The following SMCHD1 variants were observed in gnomAD, a reference collection of about 807,000 sequenced individuals.
SMCHD1 encodes the protein structural maintenance of chromosomes flexible hinge domain-containing protein 1.
Under a neutral mutation model 254.7 loss-of-function variants are expected in SMCHD1, and 78 were observed. That is an observed-to-expected ratio of 0.31 (90% CI 0.26 to 0.37). The LOEUF is 0.37. SMCHD1 is among the 10% of genes least tolerant of loss of function. SMCHD1 has a pLI of 1.00. For synonymous variants in SMCHD1, 766 were observed against 794.9 expected (o/e 0.96, Z 0.61); for missense variants, 1,840 against 2,408.1 (o/e 0.76, Z 4.94).
chr18:2,761,917 AACCTG>A (rs2075792616), intron 35 of SMCHD1, among the ~76,000 whole-genome samples, 183 bp from the exon 36 acceptor site: 1 of 152,268 alleles, frequency 6.6e-6, no homozygotes. Flanking sequence ...TCCAAAAATT[AACCTG>A]ACCTAACTTT....
Position 2,706,352 on chromosome 18 carries a change from G to A in SMCHD1, c.1957-12G>A, listed in dbSNP as rs1269683640. The A allele has an allele frequency of 2.0e-6, 3 of 1,516,590 alleles. No individual in the cohort carries two copies. Among genetic ancestry groups the A allele is most frequent in the African/African-American group, 1.4e-5 (1 of 72,278 alleles). The allele number at this position is 1,516,590 out of a possible 1,614,324, so 93.9% of individuals were successfully genotyped here. ...AGTTTTCTTTGAAATGTTGGTAAATGTATTTATTCAGGAACCTCAGGCACT... is the reference window on the plus strand; with the variant it reads ...AGTTTTCTTTGAAATGTTGGTAAATATATTTATTCAGGAACCTCAGGCACT... On this transcript the variant is annotated splice_polypyrimidine_tract_variant and intron_variant, in intron 14 of 47. Transcript: ENST00000320876.
At chr18:2,699,450 A>G (rs1287128444) in intron 10 of SMCHD1, among the ~76,000 whole-genome samples, 3 of 152,008 alleles carry the variant, frequency 2.0e-5, no homozygotes, top group Non-Finnish European at 4.4e-5. Context: ...AGCAATTCTC[A>G]TGGATCAGCC....
intron 1 of SMCHD1, among the ~76,000 whole-genome samples, chr18:2,657,603 C>T (rs1401446001): frequency 6.6e-6 from 1 of 152,184 alleles, no homozygotes; most frequent in Non-Finnish European, 1.5e-5. Context: ...CTACTCTTAG[C>T]ACCTGAGGTT....
At chr18:2,660,751 T>C (rs909655936) in intron 1 of SMCHD1, among the ~76,000 whole-genome samples, 49 of 152,152 alleles carry the variant, frequency 3.2e-4, no homozygotes, top group African/African-American at 1.2e-3. Flanking sequence ...GTGCTGGGAT[T>C]ACAGGCATGC....
At chr18:2,688,908 G>A (rs1310829749) in intron 7 of SMCHD1, among the ~76,000 whole-genome samples, 161 bp downstream of exon 7, 2 of 152,150 alleles carry the variant, frequency 1.3e-5, no homozygotes, top group South Asian at 2.1e-4. Context: ...CAGACAAGTT[G>A]TCTCATAAAG....
chr18:2,748,917 C>T (rs1258815851), intron 30 of SMCHD1, among the ~76,000 whole-genome samples: 1 of 152,140 alleles, frequency 6.6e-6, no homozygotes, highest in Non-Finnish European at 1.5e-5. Flanking sequence ...ATCAGAATCC[C>T]AACAGGGATT....
At chr18:2,743,730 C>T in intron 28 of SMCHD1, 31 bp from the exon 29 acceptor site, 1 of 1,540,342 alleles carries the variant, frequency 6.5e-7, no homozygotes, top group Non-Finnish European at 8.8e-7. Context: ...GTGATACCCC[C>T]TGTCTTTCTC....
intron 1 of SMCHD1, among the ~76,000 whole-genome samples, chr18:2,664,729 C>T (rs917640493): frequency 4.6e-5 from 7 of 152,156 alleles, no homozygotes; most frequent in African/African-American, 1.4e-4. Context: ...TTGGGATTCA[C>T]GTGATTTCAG....
chr18:2,738,304 C>T (rs916776641), intron 25 of SMCHD1, 93 bp from the exon 26 acceptor site: 8 of 1,165,792 alleles, frequency 6.9e-6, no homozygotes, highest in Non-Finnish European at 8.1e-6. Context: ...GTGAAGAAGA[C>T]GGATTATAAT....
In SMCHD1 at chr18:2,658,618, A is replaced by T. The variant is rs548085885; in HGVS notation, c.186+2357A>T. Among the ~76,000 whole-genome samples, 55 of 152,292 alleles carry T rather than the reference A, an allele frequency of 3.6e-4. 1 individual carries two copies. The highest frequency in any genetic ancestry group is 1.3e-3 in the African/African-American group (54 of 41,570). ...ACTAGTAAGAAAAAAGAAGGCTGAGAAGGCTAACTTTTTTGTTGTTAGACT... is the reference window on the plus strand; with the variant it reads ...ACTAGTAAGAAAAAAGAAGGCTGAGTAGGCTAACTTTTTTGTTGTTAGACT... On this transcript the variant is annotated intron_variant, in intron 1 of 47. Transcript: ENST00000320876.
At chr18:2,728,406 C>CT in intron 22 of SMCHD1, 51 bp from the exon 23 acceptor site, 5 of 1,554,670 alleles carry the variant, frequency 3.2e-6, no homozygotes, top group Non-Finnish European at 4.4e-6. Context: ...TATTTCAGTA[C>CT]TTTAGTCTTT....
intron 17 of SMCHD1, among the ~76,000 whole-genome samples, chr18:2,712,361 ATTTATTTCTTAATCCTCT>A (rs899560547): frequency 4.6e-5 from 7 of 151,682 alleles, no homozygotes; most frequent in African/African-American, 1.7e-4. Context: ...TGGTGTTTCC[ATTTATTTCTTAATCCTCT>A]GTAACCAATC....
chr18:2,698,839 T>A (rs1335576209), intron 10 of SMCHD1, among the ~76,000 whole-genome samples: 2 of 102,706 alleles, frequency 1.9e-5, no homozygotes, highest in Non-Finnish European at 4.5e-5. Context: ...TTCTTTACTA[T>A]AAAGTACTAT....
At chr18:2,662,187 A>G (rs1415454208) in intron 1 of SMCHD1, among the ~76,000 whole-genome samples, 1 of 109,860 alleles carries the variant, frequency 9.1e-6, no homozygotes, top group Non-Finnish European at 1.9e-5. Context: ...AATAAAATAA[A>G]TAAATAAATA....
intron 1 of SMCHD1, among the ~76,000 whole-genome samples, chr18:2,665,070 C>T (rs2073397380): frequency 6.6e-6 from 1 of 152,040 alleles, no homozygotes; most frequent in South Asian, 2.1e-4. Flanking sequence ...CCATTACTAC[C>T]CGAAACAGAA....
At chr18:2,793,087 G>T (rs1347455133) in intron 45 of SMCHD1, among the ~76,000 whole-genome samples, 1 of 152,200 alleles carries the variant, frequency 6.6e-6, no homozygotes, top group Non-Finnish European at 1.5e-5. Context: ...ATTATGTGGA[G>T]CACAAAGTTT....
intron 1 of SMCHD1, among the ~76,000 whole-genome samples, chr18:2,659,793 A>G (rs950685319): frequency 6.7e-6 from 1 of 150,212 alleles, no homozygotes; most frequent in Admixed American, 6.6e-5. Flanking sequence ...GCAGAAAACT[A>G]TGGCTTAGCA....
chr18:2,757,237 G>A lies in SMCHD1; in HGVS notation c.4347-3415G>A, dbSNP rs115622347. On this transcript the variant is annotated intron_variant, in intron 34 of 47. Coordinates refer to ENST00000320876, the MANE Select transcript of SMCHD1 (RefSeq NM_015295.3). ...TTCTTTTTTCTTTTTTTGAACCAGA[G>A]TGTCGCTCTTTCATCCTGGCTGGAG... Among the ~76,000 whole-genome samples the A allele has an allele frequency of 4.4e-3, 668 of 152,130 alleles. 5 individuals are homozygous for A. The highest frequency in any genetic ancestry group is 0.016 in the African/African-American group (649 of 41,504).
At chr18:2,724,409 A>G (rs1380383370) in intron 20 of SMCHD1, among the ~76,000 whole-genome samples, 2 of 151,984 alleles carry the variant, frequency 1.3e-5, no homozygotes, top group Non-Finnish European at 2.9e-5. Flanking sequence ...GGTTTATGTC[A>G]TCATAAGCCT....
Sources: allele counts gnomAD v4.1 joint callset (sites outside exome capture counted in the v4.1 genomes callset), GRCh38; gene constraint gnomAD v4.1.1; transcripts MANE v1.5; gene names NCBI Gene and HGNC (gene_info 2026-07-23, HGNC 2026-07-21).